The following HEMK2 variants were observed in gnomAD, a reference collection of about 807,000 sequenced individuals.
HEMK2 encodes HemK methyltransferase 2, ETF1 glutamine and histone H4 lysine.
the HEMK2 span, among the ~76,000 whole-genome samples, chr21:28,718,880 A>G: frequency 6.6e-6 from 1 of 152,210 alleles, no homozygotes; most frequent in Non-Finnish European, 1.5e-5. Flanking sequence ...AGATGAAAGT[A>G]TCAAAAATTC....
chr21:28,608,530 A>G, the HEMK2 span, among the ~76,000 whole-genome samples: 2 of 152,208 alleles, frequency 1.3e-5, no homozygotes, highest in African/African-American at 4.8e-5. Flanking sequence ...ACTGAGGAAC[A>G]TAACAGGAAA....
At chr21:28,581,180 G>A in the HEMK2 span, among the ~76,000 whole-genome samples, 8 of 150,606 alleles carry the variant, frequency 5.3e-5, no homozygotes, top group East Asian at 1.6e-3. Context: ...TCATACACGA[G>A]TTATGTGGAG....
At chr21:28,787,594 A>C in the HEMK2 span, among the ~76,000 whole-genome samples, 1 of 152,238 alleles carries the variant, frequency 6.6e-6, no homozygotes, top group Non-Finnish European at 1.5e-5. Context: ...ATGGCCAACA[A>C]ACACATTTAA....
the HEMK2 span, among the ~76,000 whole-genome samples, chr21:28,780,594 A>G: frequency 6.6e-6 from 1 of 152,228 alleles, no homozygotes; most frequent in South Asian, 2.1e-4. Flanking sequence ...TACAGGCGTG[A>G]GCCACCGCGC....
chr21:28,759,772 T>C, the HEMK2 span, among the ~76,000 whole-genome samples: 1 of 152,122 alleles, frequency 6.6e-6, no homozygotes, highest in African/African-American at 2.4e-5. Context: ...TGGCTTTCAT[T>C]CTCTCTTGTC....
the HEMK2 span, among the ~76,000 whole-genome samples, chr21:28,693,185 T>C: frequency 2.0e-5 from 3 of 152,182 alleles, no homozygotes; most frequent in Non-Finnish European, 4.4e-5. Flanking sequence ...TTTTAAAATA[T>C]ATGTATAATG....
chr21:28,788,126 A>G, the HEMK2 span, among the ~76,000 whole-genome samples: 1 of 151,198 alleles, frequency 6.6e-6, no homozygotes, highest in African/African-American at 2.4e-5. Context: ...ATATGTATAT[A>G]TGTGTATATA....
At chr21:28,858,626 G>T in the HEMK2 span, among the ~76,000 whole-genome samples, 1 of 151,824 alleles carries the variant, frequency 6.6e-6, no homozygotes, top group Admixed American at 6.6e-5. Context: ...GGGGAAAGGA[G>T]GGAAGGAAGG....
the HEMK2 span, among the ~76,000 whole-genome samples, chr21:28,642,303 T>G: frequency 1.3e-5 from 2 of 152,172 alleles, no homozygotes; most frequent in Non-Finnish European, 2.9e-5. Flanking sequence ...ACCCCCTTCA[T>G]GGGCAGGAAC....
the HEMK2 span, among the ~76,000 whole-genome samples, chr21:28,614,768 C>T: frequency 1.3e-5 from 2 of 152,184 alleles, no homozygotes; most frequent in Non-Finnish European, 2.9e-5. Flanking sequence ...GCACAAACGC[C>T]TCCACATGGC....
the HEMK2 span, among the ~76,000 whole-genome samples, chr21:28,714,610 A>T: frequency 1.3e-5 from 2 of 152,244 alleles, no homozygotes; most frequent in Admixed American, 1.3e-4. Context: ...CAAAGAGTTG[A>T]CTAATACACA....
At chr21:28,877,345 G>T in the HEMK2 span, among the ~76,000 whole-genome samples, 5 of 123,094 alleles carry the variant, frequency 4.1e-5, no homozygotes, top group Non-Finnish European at 8.4e-5. Context: ...AAGGAAGGAA[G>T]GAAAGAAAAA....
chr21:28,742,497 G>A, the HEMK2 span, among the ~76,000 whole-genome samples: 2 of 152,144 alleles, frequency 1.3e-5, no homozygotes, highest in African/African-American at 4.8e-5. Context: ...TTCACCAAGT[G>A]CTGGTAGCTA....
chr21:28,689,713 T>G, the HEMK2 span, among the ~76,000 whole-genome samples: 2 of 152,204 alleles, frequency 1.3e-5, no homozygotes, highest in African/African-American at 4.8e-5. Context: ...ACTTATTAAC[T>G]GACCTTAAAA....
At chr21:28,762,358 T>C in the HEMK2 span, among the ~76,000 whole-genome samples, 1 of 152,008 alleles carries the variant, frequency 6.6e-6, no homozygotes. Context: ...ATGAAGGTTA[T>C]CCAAACCATG....
the HEMK2 span, among the ~76,000 whole-genome samples, chr21:28,653,548 C>T: frequency 6.6e-6 from 1 of 152,112 alleles, no homozygotes; most frequent in Non-Finnish European, 1.5e-5. Flanking sequence ...AAGGAAACAA[C>T]CTCACAGGGA....
the HEMK2 span, among the ~76,000 whole-genome samples, chr21:28,725,248 T>C: frequency 6.6e-6 from 1 of 152,186 alleles, no homozygotes; most frequent in African/African-American, 2.4e-5. Context: ...ATTAAATCTA[T>C]TCCATGTAAG....
chr21:28,744,823 C>T, the HEMK2 span, among the ~76,000 whole-genome samples: 710 of 152,256 alleles, frequency 4.7e-3, 8 homozygotes, highest in African/African-American at 0.016. Flanking sequence ...CTGTTTCATG[C>T]TTTTAGAAAA....
At chr21:28,745,444 CGA>C in the HEMK2 span, among the ~76,000 whole-genome samples, 1 of 152,184 alleles carries the variant, frequency 6.6e-6, no homozygotes, top group Admixed American at 6.5e-5. Flanking sequence ...TAGACCCGGA[CGA>C]GAGGGGCCCT....
Sources: gnomAD v4.1 joint callset for allele counts (sites outside exome capture counted in the v4.1 genomes callset) on GRCh38, gnomAD v4.1.1 for gene constraint, MANE v1.5 for transcripts, NCBI Gene and HGNC (gene_info 2026-07-23, HGNC 2026-07-21) for gene names.